PDE7B: variants seen among roughly 807,000 people sequenced by gnomAD.
The protein encoded by PDE7B is phosphodiesterase 7B.
PDE7B carries 29 observed loss-of-function variants against 56.2 expected under a neutral mutation model. That is an observed-to-expected ratio of 0.52 (90% CI 0.38 to 0.70). PDE7B has a LOEUF of 0.70. Ranked by LOEUF, PDE7B falls within the 30% of genes least tolerant of loss-of-function variation. PDE7B has a pLI of 0.00. For missense variants in PDE7B, 490 were observed against 565.0 expected, an observed-to-expected ratio of 0.87 and a Z score of 1.35; for synonymous variants, 197 against 196.9, an observed-to-expected ratio of 1.00 and a Z score of 0.00.
At chr6:136,000,414 G>A (rs992865379) in intron 2 of PDE7B, among the ~76,000 whole-genome samples, 2 of 152,100 alleles carry the variant, frequency 1.3e-5, no homozygotes, top group Non-Finnish European at 2.9e-5. Flanking sequence ...TCCATATTGA[G>A]TTGATTTTTG....
At chr6:136,103,526 T>C (rs1437220767) in intron 2 of PDE7B, among the ~76,000 whole-genome samples, 1 of 152,148 alleles carries the variant, frequency 6.6e-6, no homozygotes, top group East Asian at 1.9e-4. Context: ...GGATCTGGAT[T>C]TTCTCTGTCT....
At chr6:136,021,599 G>A (rs1172522572) in intron 2 of PDE7B, among the ~76,000 whole-genome samples, 2 of 150,590 alleles carry the variant, frequency 1.3e-5, no homozygotes, top group Non-Finnish European at 2.9e-5. Flanking sequence ...AGCTGAGATT[G>A]CACCACTGCA....
At chr6:136,073,994 A>G (rs1256066141) in intron 2 of PDE7B, among the ~76,000 whole-genome samples, 1 of 152,170 alleles carries the variant, frequency 6.6e-6, no homozygotes, top group Non-Finnish European at 1.5e-5. Context: ...ATTTATGCCT[A>G]TCTCGTTCCT....
chr6:136,163,991 A>G (rs1194925994), intron 8 of PDE7B, among the ~76,000 whole-genome samples: 1 of 152,126 alleles, frequency 6.6e-6, no homozygotes, highest in Non-Finnish European at 1.5e-5. Context: ...AACTGTTCTA[A>G]CATCTGCCTG....
At chr6:136,093,102 G>GA (rs1394855646) in intron 2 of PDE7B, among the ~76,000 whole-genome samples, 2 of 152,162 alleles carry the variant, frequency 1.3e-5, no homozygotes, top group African/African-American at 4.8e-5. Context: ...GTCAAGCTGG[G>GA]AAAAAACACA....
chr6:136,067,521 G>A (rs1480369249), intron 2 of PDE7B, among the ~76,000 whole-genome samples: 1 of 152,146 alleles, frequency 6.6e-6, no homozygotes, highest in Non-Finnish European at 1.5e-5. Flanking sequence ...AAACTACATA[G>A]GACATTCTAA....
chr6:136,038,334 G>A (rs1377061888), intron 2 of PDE7B: 1 of 1,292,304 alleles, frequency 7.7e-7, no homozygotes, highest in Non-Finnish European at 1.0e-6. Context: ...GAGCTAGGCA[G>A]GAGGTGGACA....
chr6:136,027,049 T>C (rs1776164794), intron 2 of PDE7B, among the ~76,000 whole-genome samples: 1 of 152,092 alleles, frequency 6.6e-6, no homozygotes, highest in South Asian at 2.1e-4. Context: ...TCTCTCCCTC[T>C]CCCCACCATG....
intron 1 of PDE7B, among the ~76,000 whole-genome samples, chr6:135,918,418 T>A (rs1773999692): frequency 6.6e-6 from 1 of 152,218 alleles, no homozygotes; most frequent in African/African-American, 2.4e-5. Context: ...GCTACCCATA[T>A]CATTATTTAT....
chr6:136,173,223 G>A (rs1778922138), intron 8 of PDE7B, among the ~76,000 whole-genome samples: 1 of 152,144 alleles, frequency 6.6e-6, no homozygotes, highest in South Asian at 2.1e-4. Flanking sequence ...GAACAAAGCT[G>A]GAGGCATCAT....
rs529780365 is a variant in PDE7B, at chr6:136,040,536, A to T, written c.83-68195A>T. Among the ~76,000 whole-genome samples the T allele has an allele frequency of 8.5e-5, 13 of 152,112 alleles. 1 individual carries two copies. Among genetic ancestry groups the T allele is most frequent in the Non-Finnish European group, 7.4e-5 (5 of 68,016 alleles). On this transcript the variant is annotated intron_variant, in intron 2 of 12. Transcript: ENST00000308191. Reference sequence around the variant, plus strand: ...TCATTTTCACCACAGCAGCACAACAATGGGGCCCTCAGGAACACTTACAGA... The same window carrying T: ...TCATTTTCACCACAGCAGCACAACATTGGGGCCCTCAGGAACACTTACAGA...
chr6:135,909,974 C>G (rs1776184413), intron 1 of PDE7B, among the ~76,000 whole-genome samples: 1 of 152,192 alleles, frequency 6.6e-6, no homozygotes, highest in Admixed American at 6.6e-5. Flanking sequence ...GCGCCCTCTA[C>G]TGCTTACATT....
intron 2 of PDE7B, among the ~76,000 whole-genome samples, chr6:135,986,101 C>T (rs989863062): frequency 5.9e-5 from 9 of 152,160 alleles, no homozygotes; most frequent in African/African-American, 1.9e-4. Context: ...AGCGTTTGCT[C>T]GTATTCACTA....
chr6:135,940,268 C>T (rs1039662853), intron 1 of PDE7B, among the ~76,000 whole-genome samples: 3 of 152,160 alleles, frequency 2.0e-5, no homozygotes, highest in Non-Finnish European at 2.9e-5. Flanking sequence ...CTCAGGCCTG[C>T]GGTCATGTCT....
chr6:136,013,319 G>C (rs1475239404), intron 2 of PDE7B, among the ~76,000 whole-genome samples: 1 of 152,150 alleles, frequency 6.6e-6, no homozygotes, highest in Non-Finnish European at 1.5e-5. Flanking sequence ...TTTTGTGGAA[G>C]AAAAACACAG....
At chr6:136,070,720 T>TC (rs1777034712) in intron 2 of PDE7B, among the ~76,000 whole-genome samples, 1 of 152,192 alleles carries the variant, frequency 6.6e-6, no homozygotes, top group Non-Finnish European at 1.5e-5. Flanking sequence ...GTATTGTTAA[T>TC]AATTTGCAAC....
chr6:136,030,081 C>G lies in PDE7B; in HGVS notation c.83-78650C>G, dbSNP rs755665289. Among the ~76,000 whole-genome samples the G allele has an allele frequency of 6.5e-4, 99 of 152,148 alleles. 1 individual carries two copies. Among genetic ancestry groups the G allele is most frequent in the Non-Finnish European group, 1.1e-3 (72 of 68,036 alleles). On this transcript the variant is annotated intron_variant, in intron 2 of 12. Coordinates refer to ENST00000308191, the MANE Select transcript of PDE7B (RefSeq NM_018945.4). ...ACTTTCTCATTATTTAGTTACTCCCCTGGATTATATATATCAGGAAATATT... is the reference window on the plus strand; with the variant it reads ...ACTTTCTCATTATTTAGTTACTCCCGTGGATTATATATATCAGGAAATATT...
At chr6:135,863,168 T>C (rs550654651) in intron 1 of PDE7B, among the ~76,000 whole-genome samples, 1 of 152,152 alleles carries the variant, frequency 6.6e-6, no homozygotes, top group East Asian at 1.9e-4. Flanking sequence ...ATTAGAAGAT[T>C]TATTCATCAT....
At chr6:136,136,462 G>A (rs1778212997) in intron 3 of PDE7B, among the ~76,000 whole-genome samples, 1 of 151,960 alleles carries the variant, frequency 6.6e-6, no homozygotes, top group Non-Finnish European at 1.5e-5. Flanking sequence ...GCAACCACAC[G>A]AGGCACAACT....
Sources: allele counts gnomAD v4.1 joint callset (sites outside exome capture counted in the v4.1 genomes callset), GRCh38; gene constraint gnomAD v4.1.1; transcripts MANE v1.5; gene names NCBI Gene and HGNC (gene_info 2026-07-23, HGNC 2026-07-21).